Variants in ARB2A observed in about 807,000 individuals in gnomAD.
ARB2A encodes the protein ARB2 cotranscriptional regulator A.
chr5:93,854,130 T>A, the ARB2A span, among the ~76,000 whole-genome samples: 1 of 152,228 alleles, frequency 6.6e-6, no homozygotes, highest in African/African-American at 2.4e-5. Context: ...TGCCACAATT[T>A]CAGAGCCTGT....
the ARB2A span, chr5:93,739,856 T>G: frequency 6.6e-6 from 1 of 152,182 alleles, no homozygotes; most frequent in Admixed American, 6.5e-5. Context: ...AAGTCCAGCT[T>G]GCCAACCTCA....
the ARB2A span, among the ~76,000 whole-genome samples, chr5:94,054,527 CA>C: frequency 1.3e-5 from 2 of 152,136 alleles, no homozygotes; most frequent in Non-Finnish European, 2.9e-5. Context: ...CAGATCATGG[CA>C]AGGGGAACAT....
chr5:93,687,378 T>G, the ARB2A span, among the ~76,000 whole-genome samples: 1 of 152,198 alleles, frequency 6.6e-6, no homozygotes, highest in Non-Finnish European at 1.5e-5. Flanking sequence ...ATTTCACTTT[T>G]TGAAATTTAT....
At chr5:93,887,558 A>AAAAC in the ARB2A span, among the ~76,000 whole-genome samples, 1 of 151,814 alleles carries the variant, frequency 6.6e-6, no homozygotes, top group Non-Finnish European at 1.5e-5. Context: ...ATAATTTACA[A>AAAAC]AAACAAACAA....
the ARB2A span, chr5:93,683,258 T>G: frequency 6.3e-7 from 1 of 1,575,366 alleles, no homozygotes; most frequent in South Asian, 1.1e-5. Flanking sequence ...TTTTACTTTT[T>G]TCTGTGGAAC....
At chr5:93,996,497 C>A in the ARB2A span, among the ~76,000 whole-genome samples, 1 of 151,924 alleles carries the variant, frequency 6.6e-6, no homozygotes, top group South Asian at 2.1e-4. Context: ...CACTTAGCAT[C>A]CCAAATAAAC....
chr5:93,840,115 T>C, the ARB2A span, among the ~76,000 whole-genome samples: 1 of 152,156 alleles, frequency 6.6e-6, no homozygotes. Flanking sequence ...TGATATCTTT[T>C]TAACTTTTTG....
the ARB2A span, among the ~76,000 whole-genome samples, chr5:93,839,286 A>G: frequency 3.3e-5 from 5 of 152,196 alleles, no homozygotes; most frequent in Admixed American, 6.5e-5. Flanking sequence ...TTCCGCATCT[A>G]TTAAGGTAAG....
the ARB2A span, among the ~76,000 whole-genome samples, chr5:94,005,860 G>GA: frequency 2.6e-5 from 4 of 152,124 alleles, no homozygotes; most frequent in African/African-American, 9.7e-5. Context: ...CAAAATGACT[G>GA]AAAAAAACAT....
At chr5:94,001,028 A>T in the ARB2A span, among the ~76,000 whole-genome samples, 5 of 152,094 alleles carry the variant, frequency 3.3e-5, no homozygotes, top group African/African-American at 9.6e-5. Context: ...CTTAGCCAAT[A>T]CCACATCATC....
chr5:93,756,525 C>T, the ARB2A span, among the ~76,000 whole-genome samples: 815 of 152,320 alleles, frequency 5.4e-3, 6 homozygotes, highest in African/African-American at 0.018. Context: ...CGCTGAGAAT[C>T]CAACAGAAGC....
At chr5:93,763,446 A>G in the ARB2A span, among the ~76,000 whole-genome samples, 6 of 152,356 alleles carry the variant, frequency 3.9e-5, no homozygotes, top group South Asian at 2.1e-4. Flanking sequence ...AAAAGAGACA[A>G]AGAAGGCCAT....
At chr5:93,659,151 G>T in the ARB2A span, among the ~76,000 whole-genome samples, 1 of 151,932 alleles carries the variant, frequency 6.6e-6, no homozygotes, top group Non-Finnish European at 1.5e-5. Context: ...ATAAAAATGA[G>T]ATTTCAACTA....
the ARB2A span, chr5:94,050,921 A>G: frequency 1.1e-6 from 1 of 928,492 alleles, no homozygotes. Context: ...ATAAAAATTT[A>G]AAATAACTTT....
the ARB2A span, among the ~76,000 whole-genome samples, chr5:93,875,506 C>T: frequency 2.0e-5 from 3 of 152,176 alleles, no homozygotes; most frequent in African/African-American, 7.2e-5. Flanking sequence ...GCTGGGATTA[C>T]AGGCGTGAGC....
At chr5:94,059,973 A>G in the ARB2A span, among the ~76,000 whole-genome samples, 3 of 152,338 alleles carry the variant, frequency 2.0e-5, no homozygotes, top group Non-Finnish European at 2.9e-5. Flanking sequence ...AAATTATATG[A>G]CTAAATAAAA....
the ARB2A span, among the ~76,000 whole-genome samples, chr5:93,934,277 T>C: frequency 6.6e-6 from 1 of 152,162 alleles, no homozygotes; most frequent in Non-Finnish European, 1.5e-5. Flanking sequence ...TTTATTTCAA[T>C]GGACTATAAA....
At chr5:94,052,288 A>G in the ARB2A span, among the ~76,000 whole-genome samples, 1 of 152,170 alleles carries the variant, frequency 6.6e-6, no homozygotes, top group Non-Finnish European at 1.5e-5. Context: ...CACGCAACAA[A>G]TATTACTACT....
chr5:93,905,019 T>A, the ARB2A span, among the ~76,000 whole-genome samples: 1,902 of 151,842 alleles, frequency 0.013, 43 homozygotes, highest in African/African-American at 0.043. Context: ...TTGCTCTACA[T>A]TTAATTTCAT....
Sources: allele counts gnomAD v4.1 joint callset (sites outside exome capture counted in the v4.1 genomes callset), GRCh38; gene constraint gnomAD v4.1.1; transcripts MANE v1.5; gene names NCBI Gene and HGNC (gene_info 2026-07-23, HGNC 2026-07-21).